Variants in ARF5 observed in about 807,000 individuals in gnomAD.
The protein encoded by ARF5 is ADP-ribosylation factor 5.
Under a neutral mutation model 24.8 loss-of-function variants are expected in ARF5, and 10 were observed. The observed-to-expected ratio is 0.40, with a 90% CI of 0.25 to 0.68. The LOEUF (loss-of-function observed/expected upper bound fraction) is 0.68. Ranked by LOEUF, ARF5 falls within the 30% of genes least tolerant of loss-of-function variation. The pLI is 0.36. For missense variants in ARF5, 135 were observed against 239.2 expected (o/e 0.56, Z 2.87); for synonymous variants, 102 against 95.1 (o/e 1.07, Z -0.42).
At position 127,591,185 on chromosome 7, in the gene ARF5, T is replaced by C. The variant is rs1404551475; in HGVS notation, c.457-28T>C. ...AGGCATTCCTTTTGTTCCTGGTTGC[T>C]GACCTCTTTCTTTCCTTTTCCCCAC... On this transcript the variant is annotated intron_variant, in intron 5 of 5. Coordinates refer to ENST00000000233, the MANE Select transcript of ARF5 (RefSeq NM_001662.4). 3 of 1,607,142 alleles carry C rather than the reference T, an allele frequency of 1.9e-6. 1 individual carries two copies. The highest frequency in any genetic ancestry group is 1.7e-4 in the Middle Eastern group (1 of 6,002).
intron 2 of ARF5, 58 bp downstream of exon 2, chr7:127,589,221 G>C: frequency 1.3e-6 from 2 of 1,581,284 alleles, no homozygotes; most frequent in Non-Finnish European, 1.7e-6. Context: ...CGCGGGGTCT[G>C]CTCCCAGTTC....
intron 2 of ARF5, 133 bp from the exon 3 acceptor site, chr7:127,589,352 C>T: frequency 9.4e-7 from 1 of 1,061,208 alleles, no homozygotes; most frequent in East Asian, 2.4e-5. Flanking sequence ...TGTTGACCGC[C>T]AGTTCTGGGG....
intron 2 of ARF5, 74 bp from the exon 3 acceptor site, chr7:127,589,411 C>A: frequency 7.6e-7 from 1 of 1,319,100 alleles, no homozygotes; most frequent in Non-Finnish European, 1.1e-6. Flanking sequence ...TGTGTCCCTG[C>A]TGAAATCTAA....
Position 127,589,922 on chromosome 7 carries a change from A to G in ARF5, c.259-144A>G, listed in dbSNP as rs146747803. The G allele has an allele frequency of 1.4e-3, 1,034 of 757,424 alleles. 11 individuals carry two copies. The African/African-American group carries it at 0.016, about 11-fold the overall frequency. The allele number at this position is 757,424 out of a possible 1,614,324, so 46.9% of individuals were successfully genotyped here. A position where few individuals can be genotyped will look rare whatever the true frequency, so the allele number is the denominator to read the frequency against. On this transcript the variant is annotated intron_variant, in intron 3 of 5. Transcript: ENST00000000233. ...GTGCCATGACTCCTGTAGAGCTTCT[A>G]TAGAGTTCTGTAAACTTCTGTAGAG...
rs556705397 is a variant in ARF5, at chr7:127,591,405, C to T, written c.*106C>T. The T allele has an allele frequency of 2.7e-4, 270 of 985,532 alleles. No homozygotes were observed. The South Asian group carries it at 4.2e-3, about 15-fold the overall frequency. The allele number at this position is 985,532 out of a possible 1,614,324, so 61.0% of individuals were successfully genotyped here. ...GTGCCCTTTCCTCCCACTTTTCCTCCCCCATAGCCACAGGCCTCTGCTCCT... is the reference window on the plus strand; with the variant it reads ...GTGCCCTTTCCTCCCACTTTTCCTCTCCCATAGCCACAGGCCTCTGCTCCT... On this transcript the variant is annotated 3_prime_UTR_variant, in exon 6 of 6. Coordinates refer to ENST00000000233, the MANE Select transcript of ARF5 (RefSeq NM_001662.4).
At position 127,588,584 on chromosome 7, in the gene ARF5, G is replaced by GCGGCCCGGACCGGGGCGC; in HGVS notation, c.67+26_67+43dup. The GCGGCCCGGACCGGGGCGC allele has an allele frequency of 2.2e-6, 3 of 1,383,216 alleles. No individual in the cohort carries two copies. In the East Asian group the frequency reaches 9.0e-5, roughly 42 times the overall value. The allele number at this position is 1,383,216 out of a possible 1,614,324, so 85.7% of individuals were successfully genotyped here. On this transcript the variant is annotated intron_variant, in intron 1 of 5. Coordinates refer to ENST00000000233, the MANE Select transcript of ARF5 (RefSeq NM_001662.4). ...CTCATGGGTGAGGCAGATCGAGCGC[G>GCGGCCCGGACCGGGGCGC]CGGCCCGGACCGGGGCGCCGGCCCC...
rs1794237698 is a variant in ARF5, at chr7:127,588,511, G to A, written c.13G>A (p.Val5Met). The stretch of plus-strand genomic sequence containing the variant: ...CCCGGGCCCCGCCATGGGCCTCACC[G>A]TGTCCGCGCTCTTTTCGCGGATCTT... MGLT[V>M]SALFSRIFGK... Residue 5 changes from valine (V) to methionine (M), a missense_variant, in exon 1 of 6, where the codon GTG becomes ATG. By Grantham distance (21) the Val-to-Met change is conservative. Transcript: ENST00000000233. 1 of 1,468,020 alleles carries A rather than the reference G, an allele frequency of 6.8e-7. No homozygotes were observed. The highest frequency in any genetic ancestry group is 9.1e-7 in the Non-Finnish European group (1 of 1,100,038). 90.9% of individuals were successfully genotyped at this position (1,468,020 alleles called of 1,614,324 possible).
At chr7:127,588,723 G>T in intron 1 of ARF5, 158 bp downstream of exon 1, 3 of 775,664 alleles carry the variant, frequency 3.9e-6, no homozygotes, top group Non-Finnish European at 5.7e-6. Context: ...GTCCCGGTCT[G>T]CATCGCCGAC....
At chr7:127,589,349 C>A in intron 2 of ARF5, 136 bp from the exon 3 acceptor site, 1 of 1,057,962 alleles carries the variant, frequency 9.5e-7, no homozygotes, top group Non-Finnish European at 1.4e-6. Context: ...CCCTGTTGAC[C>A]GCCAGTTCTG....
chr7:127,590,159 A>G, intron 4 of ARF5, 22 bp downstream of exon 4: 1 of 1,602,334 alleles, frequency 6.2e-7, no homozygotes, highest in Non-Finnish European at 8.6e-7. Context: ...GAGCCCTGGG[A>G]ACTGAGCCCT....
Position 127,591,392 on chromosome 7 carries a change from C to A in ARF5, c.*93C>A. 9.0e-7 allele frequency: 1 copy of A among 1,115,364 alleles called. No individual in the cohort carries two copies. Among genetic ancestry groups the A allele is most frequent in the East Asian group, 2.7e-5 (1 of 37,064 alleles). The allele number at this position is 1,115,364 out of a possible 1,614,324, so 69.1% of individuals were successfully genotyped here. A position where few individuals can be genotyped will look rare whatever the true frequency, so the allele number is the denominator to read the frequency against. On this transcript the variant is annotated 3_prime_UTR_variant, in exon 6 of 6. Transcript: ENST00000000233. ...GACTCCTCAGGCAGTGCCCTTTCCTCCCACTTTTCCTCCCCCATAGCCACA... is the reference window on the plus strand; with the variant it reads ...GACTCCTCAGGCAGTGCCCTTTCCTACCACTTTTCCTCCCCCATAGCCACA...
chr7:127,588,461 C>T lies in ARF5; in HGVS notation c.-38C>T, dbSNP rs753543464. The T allele has an allele frequency of 1.3e-5, 18 of 1,389,834 alleles. No homozygotes were observed. The highest frequency in any genetic ancestry group is 1.1e-4 in the Admixed American group (4 of 36,622). 86.1% of individuals were successfully genotyped at this position (1,389,834 alleles called of 1,614,324 possible). On this transcript the variant is annotated 5_prime_UTR_variant, in exon 1 of 6. Transcript: ENST00000000233. Reference sequence around the variant, plus strand: ...CGCGGCCGGCCAGTTCCAGCCCGCACCCCGCGTCGGTGCCCGCGCCCCTCC... The same window carrying T: ...CGCGGCCGGCCAGTTCCAGCCCGCATCCCGCGTCGGTGCCCGCGCCCCTCC...
At chr7:127,589,678 C>T (rs1381678190) in intron 3 of ARF5, 84 bp downstream of exon 3, 39 of 1,169,464 alleles carry the variant, frequency 3.3e-5, no homozygotes, top group East Asian at 4.7e-5. Context: ...TAGGCTGGGC[C>T]CCCAGGCCAA....
At chr7:127,589,034 G>A (rs1404625069) in intron 1 of ARF5, 49 bp from the exon 2 acceptor site, 2 of 1,600,462 alleles carry the variant, frequency 1.2e-6, no homozygotes, top group South Asian at 1.1e-5. Context: ...CTGGTCTCTA[G>A]GGGGCTCCCT....
At chr7:127,589,864 A>G in intron 3 of ARF5, 1 of 613,552 alleles carries the variant, frequency 1.6e-6, no homozygotes, top group East Asian at 2.7e-5. Context: ...CTTTGGATAA[A>G]CTACTTCCTC....
At chr7:127,588,879 T>C in intron 1 of ARF5, 1 of 637,106 alleles carries the variant, frequency 1.6e-6, no homozygotes. Context: ...TGCCTCCCAG[T>C]CCTCTCCCGC....
chr7:127,588,569 A>T lies in ARF5; in HGVS notation c.67+4A>T. On this transcript the variant is annotated splice_donor_region_variant and intron_variant, in intron 1 of 5. Coordinates refer to ENST00000000233, the MANE Select transcript of ARF5 (RefSeq NM_001662.4). Reference sequence around the variant, plus strand: ...AAGCAGATGCGGATTCTCATGGGTGAGGCAGATCGAGCGCGCGGCCCGGAC... The same window carrying T: ...AAGCAGATGCGGATTCTCATGGGTGTGGCAGATCGAGCGCGCGGCCCGGAC... 1 of 1,418,764 alleles carries T rather than the reference A, an allele frequency of 7.0e-7. No individual in the cohort carries two copies. The highest frequency in any genetic ancestry group is 9.3e-7 in the Non-Finnish European group (1 of 1,071,468). 87.9% of individuals were successfully genotyped at this position (1,418,764 alleles called of 1,614,324 possible). A position where few individuals can be genotyped will look rare whatever the true frequency, so the allele number is the denominator to read the frequency against.
At position 127,588,581 on chromosome 7, in the gene ARF5, C is replaced by T; in HGVS notation, c.67+16C>T. ...ATTCTCATGGGTGAGGCAGATCGAG[C>T]GCGCGGCCCGGACCGGGGCGCCGGC... On this transcript the variant is annotated intron_variant, in intron 1 of 5. Transcript: ENST00000000233. The T allele has an allele frequency of 7.2e-7, 1 of 1,388,374 alleles. No individual in the cohort carries two copies. Among genetic ancestry groups the T allele is most frequent in the Non-Finnish European group, 9.5e-7 (1 of 1,056,682 alleles). 86.0% of individuals were successfully genotyped at this position (1,388,374 alleles called of 1,614,324 possible). A position where few individuals can be genotyped will look rare whatever the true frequency, so the allele number is the denominator to read the frequency against.
At chr7:127,588,752 G>C in intron 1 of ARF5, 187 bp downstream of exon 1, 1 of 622,296 alleles carries the variant, frequency 1.6e-6, no homozygotes, top group Non-Finnish European at 2.6e-6. Context: ...CTGACACCCG[G>C]AGCTGCGGGC....
Sources: gnomAD v4.1 joint callset for allele counts on GRCh38, gnomAD v4.1.1 for gene constraint, MANE v1.5 for transcripts, NCBI Gene and HGNC (gene_info 2026-07-23, HGNC 2026-07-21) for gene names.